MID1: variants seen among roughly 807,000 people sequenced by gnomAD.
MID1 encodes the protein midline 1.
MID1 carries 7 observed loss-of-function variants against 40.4 expected under a neutral mutation model. The observed-to-expected ratio is 0.17, with a 90% CI of 0.10 to 0.33. The LOEUF (loss-of-function observed/expected upper bound fraction) is 0.33. Ranked by LOEUF, MID1 falls within the 10% of genes least tolerant of loss-of-function variation. The pLI, the probability that MID1 is intolerant of heterozygous loss-of-function variation, is 1.00. For synonymous variants in MID1, 229 were observed against 221.2 expected (o/e 1.04, Z -0.31); for missense variants, 367 against 558.5 (o/e 0.66, Z 3.46).
intron 7 of MID1, among the ~76,000 whole-genome samples, chrX:10,461,083 AATAT>A (rs35175429): frequency 2.8e-4 from 28 of 99,309 alleles, no homozygotes; most frequent in African/African-American, 5.0e-4. Context: ...CAGTGAATTA[AATAT>A]ATATATATAT....
intron 1 of MID1, among the ~76,000 whole-genome samples, chrX:10,760,582 C>T (rs1224462261): frequency 2.7e-5 from 3 of 111,144 alleles, no homozygotes; most frequent in East Asian, 5.6e-4. Context: ...GCCTGTAATC[C>T]TAGCACTTTG....
At chrX:10,793,181 G>A (rs1197570463) in intron 1 of MID1, among the ~76,000 whole-genome samples, 1 of 112,656 alleles carries the variant, frequency 8.9e-6, no homozygotes, top group Non-Finnish European at 1.9e-5. Context: ...AGTAGTCATG[G>A]ACACCTGATC....
intron 1 of MID1, among the ~76,000 whole-genome samples, chrX:10,653,748 GTTTTATGGCCT>G (rs752715768): frequency 8.8e-6 from 1 of 113,020 alleles, no homozygotes; most frequent in Admixed American, 9.3e-5. Context: ...ACATTGATAA[GTTTTATGGCCT>G]TTTGCCGAAA....
chrX:10,446,179 C>G lies in MID1; in HGVS notation c.*3189G>C, dbSNP rs1928030782. On this transcript the variant is annotated 3_prime_UTR_variant, in exon 10 of 10. Coordinates refer to ENST00000317552, the MANE Select transcript of MID1 (RefSeq NM_000381.4). ...GGTTGAGAAGCGCTGTTTTCAAAAA[C>G]ATCCTCCTGCCCCCATCATTGTCTT... The G allele has an allele frequency of 9.0e-6, 1 of 111,557 alleles. No individual in the cohort carries two copies. The highest frequency in any genetic ancestry group is 3.3e-5 in the African/African-American group (1 of 30,684). 9.2% of individuals were successfully genotyped at this position (111,557 alleles called of 1,213,427 possible).
rs910178193 is a variant in MID1 at position 10,676,055 on chromosome X, T to C, written c.-186-55636A>G. The stretch of plus-strand genomic sequence containing the variant: ...ACGGCTCTTGTTACAAAACAGGTGA[T>C]ACATACAATGGCAAAAATACATTCT... On this transcript the variant is annotated intron_variant, in intron 1 of 10. Transcript: ENST00000380785. 2.7e-5 allele frequency among the ~76,000 whole-genome samples: 3 copies of C among 111,996 alleles called. No individual in the cohort carries two copies. The Admixed American group carries it at 2.9e-4, about 11-fold the overall frequency.
intron 1 of MID1, among the ~76,000 whole-genome samples, chrX:10,573,550 G>A (rs1167039970): frequency 8.9e-6 from 1 of 112,067 alleles, no homozygotes; most frequent in African/African-American, 3.2e-5. Flanking sequence ...TCCTCCCAAT[G>A]CCACCACATT....
chrX:10,634,160 A>G (rs762643141), intron 1 of MID1, among the ~76,000 whole-genome samples: 3 of 111,774 alleles, frequency 2.7e-5, no homozygotes, highest in Non-Finnish European at 3.8e-5. Flanking sequence ...AAAATTGCAG[A>G]ATAATACCTA....
intron 9 of MID1, among the ~76,000 whole-genome samples, chrX:10,453,853 C>T (rs772337433): frequency 2.7e-4 from 30 of 112,112 alleles, no homozygotes; most frequent in Non-Finnish European, 5.4e-4. Context: ...CTGTGATCTT[C>T]AGCATATACC....
chrX:10,700,184 A>G (rs180893994), intron 1 of MID1, among the ~76,000 whole-genome samples: 50 of 112,065 alleles, frequency 4.5e-4, no homozygotes, highest in African/African-American at 1.4e-3. Context: ...ATCCTGCAAC[A>G]TAGCAAAAAC....
intron 1 of MID1, among the ~76,000 whole-genome samples, chrX:10,796,149 T>G (rs2043965444): frequency 8.9e-6 from 1 of 112,296 alleles, no homozygotes; most frequent in Non-Finnish European, 1.9e-5. Context: ...TCATAAACTT[T>G]ATTATTTGCC....
intron 1 of MID1, among the ~76,000 whole-genome samples, chrX:10,792,782 G>GTT (rs1355803173): frequency 4.5e-5 from 5 of 111,438 alleles, no homozygotes; most frequent in Non-Finnish European, 1.9e-5. Context: ...TTCTTTATAG[G>GTT]GTGATGAAAA....
chrX:10,735,023 T>A (rs1054955393), intron 1 of MID1, among the ~76,000 whole-genome samples: 1 of 112,378 alleles, frequency 8.9e-6, no homozygotes, highest in Admixed American at 9.4e-5. Context: ...CAGGAGTCAA[T>A]TGCTAACAAA....
At chrX:10,580,926 T>G (rs1602432422) in intron 1 of MID1, among the ~76,000 whole-genome samples, 1 of 82,731 alleles carries the variant, frequency 1.2e-5, no homozygotes, top group Admixed American at 1.4e-4. Flanking sequence ...GTCAATGTGG[T>G]GTCCTGTAAA....
chrX:10,489,984 C>T (rs894857000), intron 4 of MID1, among the ~76,000 whole-genome samples: 3 of 111,683 alleles, frequency 2.7e-5, no homozygotes, highest in African/African-American at 9.8e-5. Context: ...TGTGAGCCAC[C>T]GCACCCGGTC....
At chrX:10,553,489 C>T (rs1243437096) in intron 2 of MID1, among the ~76,000 whole-genome samples, 2 of 111,223 alleles carry the variant, frequency 1.8e-5, no homozygotes, top group East Asian at 5.6e-4. Context: ...CACGCTTTGG[C>T]ATGAATAACT....
At chrX:10,679,525 A>G (rs2043045370) in intron 1 of MID1, among the ~76,000 whole-genome samples, 1 of 111,870 alleles carries the variant, frequency 8.9e-6, no homozygotes, top group Non-Finnish European at 1.9e-5. Context: ...GTACACAGCC[A>G]TGTCCGTTCA....
rs748770056 is a variant in MID1 at position 10,461,195 on chromosome X, CT to C, written c.1286-1389del. On this transcript the variant is annotated intron_variant, in intron 7 of 9. Transcript: ENST00000317552. Reference sequence around the variant, plus strand: ...TTTGGTCTTGTGAATTTTCTGTTGCCTTTTTTTTTTTTTTTCTCTAACCTGC... The same window carrying C: ...TTTGGTCTTGTGAATTTTCTGTTGCCTTTTTTTTTTTTTTCTCTAACCTGC... Among the ~76,000 whole-genome samples the C allele has an allele frequency of 6.3e-3, 586 of 92,489 alleles. 1 individual carries two copies. The highest frequency in any genetic ancestry group is 0.01 in the Non-Finnish European group (470 of 46,535). The allele number at this position is 92,489 out of a possible 115,157, so 80.3% of individuals were successfully genotyped here.
chrX:10,634,215 G>A (rs765197778), intron 1 of MID1, among the ~76,000 whole-genome samples: 14 of 111,821 alleles, frequency 1.3e-4, no homozygotes, highest in African/African-American at 4.5e-4. Context: ...TGATAGGCAT[G>A]CTGTGGGCAG....
chrX:10,732,587 T>C (rs1045431349), intron 1 of MID1, among the ~76,000 whole-genome samples: 1 of 112,213 alleles, frequency 8.9e-6, no homozygotes, highest in Non-Finnish European at 1.9e-5. Context: ...TCAATACAAC[T>C]TCAATTAAAA....
Sources: allele counts gnomAD v4.1 joint callset (sites outside exome capture counted in the v4.1 genomes callset), GRCh38; gene constraint gnomAD v4.1.1; transcripts MANE v1.5; gene names NCBI Gene and HGNC (gene_info 2026-07-23, HGNC 2026-07-21).